The following ZNF438 variants were observed in gnomAD, a reference collection of about 807,000 sequenced individuals.
ZNF438 encodes the protein zinc finger protein 438.
ZNF438 carries 25 observed loss-of-function variants against 38.0 expected under a neutral mutation model. That is an observed-to-expected ratio of 0.66 (90% confidence interval 0.48 to 0.92). ZNF438 has a LOEUF of 0.92. Ranked by LOEUF, ZNF438 falls within the 40% of genes least tolerant of loss-of-function variation. The pLI, the probability that ZNF438 is intolerant of heterozygous loss-of-function variation, is 0.00. For synonymous variants in ZNF438, 372 were observed against 364.1 expected, an observed-to-expected ratio of 1.02 and a Z score of -0.25; for missense variants, 1,007 against 999.6, an observed-to-expected ratio of 1.01 and a Z score of -0.10.
chr10:30,941,373 G>C (rs140423659), intron 2 of ZNF438, among the ~76,000 whole-genome samples: 115 of 152,200 alleles, frequency 7.6e-4, no homozygotes, highest in Non-Finnish European at 1.4e-3. Context: ...TGCCTGGCCA[G>C]AACATTTTAT....
intron 1 of ZNF438, among the ~76,000 whole-genome samples, chr10:31,002,394 G>A (rs2054747461): frequency 6.6e-6 from 1 of 152,074 alleles, no homozygotes. Flanking sequence ...ATTTCCTCCA[G>A]TGTGTTGTGT....
intron 3 of ZNF438, among the ~76,000 whole-genome samples, chr10:30,884,970 A>G (rs1166521874): frequency 6.6e-6 from 1 of 152,224 alleles, no homozygotes; most frequent in African/African-American, 2.4e-5. Context: ...TGTTGTGAGT[A>G]CATGTATAAG....
chr10:30,947,593 C>A (rs1428323930), intron 1 of ZNF438, among the ~76,000 whole-genome samples: 1 of 152,274 alleles, frequency 6.6e-6, no homozygotes. Flanking sequence ...CCTAATCAAG[C>A]CTGGGCAATG....
At chr10:30,945,027 C>T (rs1431410533) in intron 1 of ZNF438, among the ~76,000 whole-genome samples, 1 of 148,910 alleles carries the variant, frequency 6.7e-6, no homozygotes, top group African/African-American at 2.5e-5. Context: ...TTTTTTTCTA[C>T]TTTACAGTAC....
At chr10:30,920,767 G>A (rs2044203780) in intron 2 of ZNF438, 1 of 152,148 alleles carries the variant, frequency 6.6e-6, no homozygotes, top group South Asian at 2.1e-4. Context: ...AACCATAGAG[G>A]TCAAGAATAG....
At chr10:31,021,490 T>C (rs993700588) in intron 1 of ZNF438, among the ~76,000 whole-genome samples, 11 of 152,244 alleles carry the variant, frequency 7.2e-5, no homozygotes, top group African/African-American at 2.7e-4. Flanking sequence ...AGGTTTTGTA[T>C]TGTTGGAATT....
chr10:30,844,851 A>G, exon 6 of ZNF438: 1 of 1,328,656 alleles, frequency 7.5e-7, no homozygotes, highest in South Asian at 1.5e-5. Flanking sequence ...CTGTTCACTC[A>G]CACCAATCCT....
intron 4 of ZNF438, among the ~76,000 whole-genome samples, chr10:30,863,699 T>A (rs2035952611): frequency 6.6e-6 from 1 of 152,216 alleles, no homozygotes; most frequent in South Asian, 2.1e-4. Context: ...AGGCTATGTG[T>A]GCCTGTGAGT....
chr10:30,845,263 G>C, exon 6 of ZNF438: 1 of 1,614,100 alleles, frequency 6.2e-7, no homozygotes, highest in Non-Finnish European at 8.5e-7. Flanking sequence ...AGGTGGAGCT[G>C]CCTTTTCAGT....
intron 2 of ZNF438, among the ~76,000 whole-genome samples, chr10:30,931,161 G>T (rs2045650293): frequency 6.6e-6 from 1 of 152,176 alleles, no homozygotes; most frequent in Non-Finnish European, 1.5e-5. Flanking sequence ...GGTGTGACAG[G>T]TTCTCTTTCT....
At chr10:31,021,655 T>C (rs2056603525) in intron 1 of ZNF438, among the ~76,000 whole-genome samples, 1 of 152,214 alleles carries the variant, frequency 6.6e-6, no homozygotes, top group African/African-American at 2.4e-5. Flanking sequence ...GTTAGACAAA[T>C]AGCAAATTCC....
intron 1 of ZNF438, among the ~76,000 whole-genome samples, chr10:30,974,035 G>C (rs1281932594): frequency 6.6e-6 from 1 of 152,184 alleles, no homozygotes; most frequent in African/African-American, 2.4e-5. Flanking sequence ...AGTGTGACCT[G>C]CAGCCTAATG....
chr10:30,889,580 G>A (rs376237964), intron 3 of ZNF438, among the ~76,000 whole-genome samples: 106 of 152,218 alleles, frequency 7.0e-4, no homozygotes, highest in African/African-American at 2.3e-3. Context: ...TCCTGTTTGT[G>A]TTTTTAGTAG....
intron 1 of ZNF438, among the ~76,000 whole-genome samples, chr10:31,006,843 GA>G (rs374371202): frequency 0.094 from 13,461 of 143,888 alleles, 637 homozygotes; most frequent in Non-Finnish European, 0.1. Flanking sequence ...TTGGCTAATA[GA>G]AAAAAAAAAA....
intron 4 of ZNF438, among the ~76,000 whole-genome samples, chr10:30,871,806 A>G (rs899719149): frequency 3.9e-5 from 6 of 152,204 alleles, no homozygotes; most frequent in Non-Finnish European, 7.3e-5. Flanking sequence ...CAGTCAAATC[A>G]TGTAAAGATT....
chr10:30,987,755 C>A (rs1210416962), intron 1 of ZNF438, among the ~76,000 whole-genome samples: 1 of 147,986 alleles, frequency 6.8e-6, no homozygotes, highest in East Asian at 2.1e-4. Context: ...GAAGATCAAA[C>A]CAGGTCTGCA....
intron 2 of ZNF438, among the ~76,000 whole-genome samples, chr10:30,927,669 T>C (rs1000910456): frequency 5.9e-5 from 9 of 152,230 alleles, no homozygotes; most frequent in African/African-American, 2.2e-4. Context: ...CGTAAAGTGA[T>C]GGTGAAAATA....
intron 1 of ZNF438, among the ~76,000 whole-genome samples, chr10:30,994,860 G>A (rs1356625218): frequency 6.6e-6 from 1 of 151,972 alleles, no homozygotes; most frequent in African/African-American, 2.4e-5. Flanking sequence ...GTGAGACCCT[G>A]TCTCTATAAA....
rs760298159 is a variant in ZNF438, at chr10:30,959,582, C to CAAAA, written c.-191-17935_-191-17932dup. ...TGAAACCCCGTCTCTACTAAAAATA[C>CAAAA]AAAAAAAAAAAAAAAATTAGCCGGG... On this transcript the variant is annotated intron_variant, in intron 1 of 5. Coordinates refer to ENST00000413025, the Ensembl canonical transcript of ZNF438. Among the ~76,000 whole-genome samples the CAAAA allele has an allele frequency of 2.6e-3, 321 of 123,158 alleles. 3 individuals are homozygous for CAAAA. Among genetic ancestry groups the CAAAA allele is most frequent in the African/African-American group, 8.4e-3 (303 of 36,050 alleles). 80.8% of individuals were successfully genotyped at this position (123,158 alleles called of 152,430 possible). A position where few individuals can be genotyped will look rare whatever the true frequency, so the allele number is the denominator to read the frequency against.
Sources: allele counts gnomAD v4.1 joint callset (sites outside exome capture counted in the v4.1 genomes callset), GRCh38; gene constraint gnomAD v4.1.1; transcripts MANE v1.5; gene names NCBI Gene and HGNC (gene_info 2026-07-23, HGNC 2026-07-21).